The following ZNF141 variants were observed in gnomAD, a reference collection of about 807,000 sequenced individuals.
ZNF141 encodes zinc finger protein 141, also known as zinc finger protein 141 (clone pHZ-44).
In ZNF141, 7 loss-of-function variants were observed where a neutral mutation model predicts 11.3. The ratio of observed to expected loss-of-function variants is 0.62; its 90% CI spans 0.35 to 1.16. ZNF141 has a LOEUF of 1.16. Among genes scored for constraint, ZNF141 ranks in the 50% most tolerant of loss-of-function variants. The probability of loss-of-function intolerance (pLI) is 0.02; values close to 1 mark genes in which losing one functional copy is unlikely to be tolerated. For missense variants in ZNF141, 535 were observed against 554.0 expected, an observed-to-expected ratio of 0.97 and a Z score of 0.34; for synonymous variants, 183 against 190.7, an observed-to-expected ratio of 0.96 and a Z score of 0.33.
At chr4:357,322 C>T (rs1721887754) in intron 3 of ZNF141, among the ~76,000 whole-genome samples, 1 of 151,482 alleles carries the variant, frequency 6.6e-6, no homozygotes, top group Non-Finnish European at 1.5e-5. Flanking sequence ...ATTTTAGAGA[C>T]AGCGTCCTGC....
At chr4:344,009 A>G in intron 2 of ZNF141, 101 bp downstream of exon 2, 1 of 1,484,462 alleles carries the variant, frequency 6.7e-7, no homozygotes, top group Non-Finnish European at 9.0e-7. Flanking sequence ...ATCTTTACAT[A>G]AACCTTCTCT....
intron 1 of ZNF141, among the ~76,000 whole-genome samples, chr4:341,774 G>A (rs1297889368): frequency 6.6e-6 from 1 of 152,138 alleles, no homozygotes; most frequent in Non-Finnish European, 1.5e-5. Context: ...AGTTTAGGGT[G>A]GCTACTCCAG....
intron 3 of ZNF141, 136 bp downstream of exon 3, chr4:344,566 C>T (rs79742766): frequency 3.4e-6 from 2 of 580,422 alleles, no homozygotes; most frequent in South Asian, 2.0e-5. Context: ...GAGGCCGAGG[C>T]AGGCGGATCA....
chr4:352,757 T>C (rs191826578), intron 3 of ZNF141, among the ~76,000 whole-genome samples: 23 of 152,312 alleles, frequency 1.5e-4, no homozygotes, highest in Middle Eastern at 6.8e-3. Context: ...TCCCTTTGGC[T>C]TTTACTGAGC....
At chr4:357,753 C>G (rs1721913672) in intron 3 of ZNF141, among the ~76,000 whole-genome samples, 2 of 146,378 alleles carry the variant, frequency 1.4e-5, no homozygotes, top group Admixed American at 6.9e-5. Context: ...GTTGCCCAGG[C>G]TGGAGTGCAG....
At chr4:345,629 G>A (rs1721283316) in intron 3 of ZNF141, among the ~76,000 whole-genome samples, 1 of 151,410 alleles carries the variant, frequency 6.6e-6, no homozygotes, top group Admixed American at 6.6e-5. Flanking sequence ...TTGGGAGGCT[G>A]AGGCAGGAGA....
rs570320919 is a variant in ZNF141, at chr4:379,554, T to G, written c.*5692T>G. Among the ~76,000 whole-genome samples the G allele has an allele frequency of 7.6e-4, 115 of 152,178 alleles. No individual in the cohort carries two copies. Among genetic ancestry groups the G allele is most frequent in the Middle Eastern group, 3.4e-3 (1 of 294 alleles). On this transcript the variant is annotated 3_prime_UTR_variant, in exon 4 of 4. Transcript: ENST00000240499. Reference sequence around the variant, plus strand: ...CATGCCTGGCTAATTTTTATATTGTTAGTAGAGATGCGGTTTGACTATGTT... The same window carrying G: ...CATGCCTGGCTAATTTTTATATTGTGAGTAGAGATGCGGTTTGACTATGTT...
In ZNF141 at chr4:338,089, C is replaced by T. The variant is rs180892009; in HGVS notation, c.3+103C>T. 7,489 of 1,532,430 alleles carry T rather than the reference C, an allele frequency of 4.9e-3. 84 individuals carry two copies. The highest frequency in any genetic ancestry group is 0.034 in the South Asian group (2,906 of 86,304). 94.9% of individuals were successfully genotyped at this position (1,532,430 alleles called of 1,614,324 possible). On this transcript the variant is annotated intron_variant, in intron 1 of 3. Transcript: ENST00000240499. ...CTGCGAACGGAGTCCCCGCTGCCGC[C>T]GCTCAGCCCTGGGGCCTCAGTACCC... is the stretch of plus-strand genomic sequence containing the variant.
At chr4:341,960 C>T (rs1179694442) in intron 1 of ZNF141, among the ~76,000 whole-genome samples, 2 of 152,202 alleles carry the variant, frequency 1.3e-5, no homozygotes, top group Non-Finnish European at 2.9e-5. Flanking sequence ...CTTTTTCTTA[C>T]AAGTCTCAAA....
chr4:380,123 T>C lies in ZNF141; in HGVS notation c.*6261T>C, dbSNP rs1712545424. ...CTGGCTTATTTCACTTAGCATAGTGTCTTCCACATTTATCCACATTGTTTC... is the reference window on the plus strand; with the variant it reads ...CTGGCTTATTTCACTTAGCATAGTGCCTTCCACATTTATCCACATTGTTTC... On this transcript the variant is annotated 3_prime_UTR_variant, in exon 4 of 4. Coordinates refer to ENST00000240499, the MANE Select transcript of ZNF141 (RefSeq NM_003441.4). 6.6e-6 allele frequency among the ~76,000 whole-genome samples: 1 copy of C among 152,236 alleles called. No homozygotes were observed. The highest frequency in any genetic ancestry group is 2.1e-4 in the South Asian group (1 of 4,838).
At chr4:360,658 G>A (rs1197092611) in intron 3 of ZNF141, among the ~76,000 whole-genome samples, 1 of 151,702 alleles carries the variant, frequency 6.6e-6, no homozygotes, top group Non-Finnish European at 1.5e-5. Flanking sequence ...TTTCAACTTT[G>A]TACCTTTTAT....
rs782258193 is a variant in ZNF141, at chr4:373,627, G to A, written c.1190G>A (p.Cys397Tyr). Residue 397 changes from cysteine to tyrosine, a missense_variant, in exon 4 of 4, where the codon TGT (cysteine) becomes TAT (tyrosine). Cys to Tyr is a radical substitution (Grantham distance 194, BLOSUM62 -2). Coordinates refer to ENST00000240499, the MANE Select transcript of ZNF141 (RefSeq NM_003441.4). ...KIHTGEKPYK[C>Y]EECGKAFRRS... is the part of the protein sequence containing the mutation. Reference sequence around the variant, plus strand: ...CATACTGGAGAGAAACCCTACAAATGTGAAGAATGTGGCAAAGCCTTTAGA... The same window carrying A: ...CATACTGGAGAGAAACCCTACAAATATGAAGAATGTGGCAAAGCCTTTAGA... 1.2e-6 allele frequency: 2 copies of A among 1,614,158 alleles called. No individual in the cohort carries two copies. The highest frequency in any genetic ancestry group is 1.7e-6 in the Non-Finnish European group (2 of 1,180,006).
intron 3 of ZNF141, among the ~76,000 whole-genome samples, chr4:356,411 C>T (rs911827239): frequency 2.0e-5 from 3 of 151,742 alleles, no homozygotes; most frequent in South Asian, 2.1e-4. Flanking sequence ...CTGCAACCTT[C>T]ACCTCCCAGA....
intron 3 of ZNF141, chr4:350,058 C>A: frequency 4.1e-6 from 2 of 492,806 alleles, no homozygotes; most frequent in South Asian, 1.5e-5. Flanking sequence ...AGGGCCATGG[C>A]TGGGTGTGTA....
chr4:344,076 A>G (rs782320217), intron 2 of ZNF141, among the ~76,000 whole-genome samples, 168 bp downstream of exon 2: 14 of 152,196 alleles, frequency 9.2e-5, no homozygotes, highest in African/African-American at 1.4e-4. Context: ...TAGAAATTCA[A>G]TGACATAAAA....
chr4:347,329 G>A (rs1476449082), intron 3 of ZNF141, among the ~76,000 whole-genome samples: 2 of 143,406 alleles, frequency 1.4e-5, no homozygotes, highest in Admixed American at 7.2e-5. Context: ...GAGACACCAC[G>A]CCCGGCCAAG....
chr4:361,392 T>G (rs1376111566), intron 3 of ZNF141, among the ~76,000 whole-genome samples: 4 of 151,922 alleles, frequency 2.6e-5, no homozygotes, highest in East Asian at 3.9e-4. Flanking sequence ...TTTCTGTTTT[T>G]TTTTTTTTTT....
At chr4:342,853 A>T (rs1423670512) in intron 1 of ZNF141, 9 of 1,608,748 alleles carry the variant, frequency 5.6e-6, no homozygotes, top group Admixed American at 1.7e-5. Flanking sequence ...ATTCATCCCA[A>T]CTGTAGGCTG....
At position 373,873 on chromosome 4, in the gene ZNF141, A is replaced by G. The variant is rs1553854168; in HGVS notation, c.*11A>G. 1.3e-6 allele frequency: 2 copies of G among 1,588,750 alleles called. No individual in the cohort carries two copies. The highest frequency in any genetic ancestry group is 1.7e-6 in the Non-Finnish European group (2 of 1,165,630). On this transcript the variant is annotated 3_prime_UTR_variant, in exon 4 of 4. Transcript: ENST00000240499. ...AAAATTCATACTTGAGAGAAATCCTACAAATGTAAAGAATGTGGCAAACCT... is the reference window on the plus strand; with the variant it reads ...AAAATTCATACTTGAGAGAAATCCTGCAAATGTAAAGAATGTGGCAAACCT...
Sources: gnomAD v4.1 joint callset for allele counts (sites outside exome capture counted in the v4.1 genomes callset) on GRCh38, gnomAD v4.1.1 for gene constraint, MANE v1.5 for transcripts, NCBI Gene and HGNC (gene_info 2026-07-23, HGNC 2026-07-21) for gene names.